SCNN1D: variants seen among roughly 807,000 people sequenced by gnomAD.
SCNN1D encodes epithelial sodium channel subunit delta.
Under a neutral mutation model 87.8 loss-of-function variants are expected in SCNN1D, and 104 were observed. The observed-to-expected ratio is 1.18, with a 90% CI of 1.01 to 1.39. The LOEUF is 1.39. Ranked by LOEUF, SCNN1D falls within the 40% of genes most tolerant of loss-of-function variation. The probability of loss-of-function intolerance (pLI) is 0.00; values close to 1 mark genes in which losing one functional copy is unlikely to be tolerated. For synonymous variants in SCNN1D, 628 were observed against 481.2 expected (o/e 1.31, Z -3.99); for missense variants, 1,324 against 1,093.9 (o/e 1.21, Z -2.97).
intron 4 of SCNN1D, among the ~76,000 whole-genome samples, chr1:1,283,247 C>T (rs1640506188): frequency 6.6e-6 from 1 of 152,158 alleles, no homozygotes; most frequent in South Asian, 2.1e-4. Flanking sequence ...TTGGTGTTCC[C>T]ACATTAGCAC....
rs1487419880 is a variant in SCNN1D, at chr1:1,286,221, T to C, written c.854T>C (p.Val285Ala). 6.3e-7 allele frequency: 1 copy of C among 1,598,540 alleles called. No individual in the cohort carries two copies. Among genetic ancestry groups the C allele is most frequent in the Non-Finnish European group, 8.5e-7 (1 of 1,177,516 alleles). Reference protein sequence around the residue: ...WHRPVLMAVSVHSERKLLPLV... With the variant: ...WHRPVLMAVSAHSERKLLPLV... ...CGCCCGGTCCTCATGGCCGTCTCTGTGCACTCGGAGCGCAAGCTGCTCCCG... is the reference window on the plus strand; with the variant it reads ...CGCCCGGTCCTCATGGCCGTCTCTGCGCACTCGGAGCGCAAGCTGCTCCCG... The change falls in exon 7 of 18, where the codon GTG (valine) becomes GCG (alanine). Residue 285 changes from valine (V) to alanine (A), a missense_variant. Coordinates refer to ENST00000379116, the MANE Select transcript of SCNN1D (RefSeq NM_001130413.4).
rs753065236 is a variant in SCNN1D at position 1,281,519 on chromosome 1, G to A, written c.186G>A (p.Gly62=). 1 of 1,535,446 alleles carries A rather than the reference G, an allele frequency of 6.5e-7. No homozygotes were observed. The highest frequency in any genetic ancestry group is 1.2e-5 in the South Asian group (1 of 84,018). Residue 62 remains glycine, a synonymous_variant, in exon 3 of 18, where the codon GGG becomes GGA. Transcript: ENST00000379116. ...TGPARGWPRR[G]GGPCGFTSAG... is the part of the protein sequence containing the mutation. ...CAGCGAGGGGATGGCCCAGAAGAGG[G>A]GGAGGACCATGTGGATTCACCAGTG...
chr1:1,288,170 C>T lies in SCNN1D; in HGVS notation c.1662+133C>T, dbSNP rs554627320. Reference sequence around the variant, plus strand: ...GAACGGGGCAGTCCCCGTGGAGGCCCGCACTCCATCCCCCGTGTCCCCGCT... The same window carrying T: ...GAACGGGGCAGTCCCCGTGGAGGCCTGCACTCCATCCCCCGTGTCCCCGCT... On this transcript the variant is annotated intron_variant, in intron 12 of 17. Transcript: ENST00000379116. 164 of 654,132 alleles carry T rather than the reference C, an allele frequency of 2.5e-4. 1 individual carries two copies. The highest frequency in any genetic ancestry group is 1.8e-3 in the African/African-American group (94 of 53,506). The allele number at this position is 654,132 out of a possible 1,614,324, so 40.5% of individuals were successfully genotyped here.
chr1:1,287,795 A>C lies in SCNN1D; in HGVS notation c.1522A>C (p.Ser508Arg). 6.3e-7 allele frequency: 1 copy of C among 1,585,796 alleles called. No individual in the cohort carries two copies. The highest frequency in any genetic ancestry group is 8.6e-7 in the Non-Finnish European group (1 of 1,166,486). Residue 508 changes from serine (S) to arginine (R), a missense_variant, in exon 11 of 18, where the codon AGC becomes CGC. Physicochemically the swap from Ser to Arg is moderately radical, Grantham distance 110. Transcript: ENST00000379116. ...GCCCTTCCTGGGGCACCACAGCTTCAGCGTCCGGCCAGGGACGGAGGCCAC... is the reference window on the plus strand; with the variant it reads ...GCCCTTCCTGGGGCACCACAGCTTCCGCGTCCGGCCAGGGACGGAGGCCAC... ...HTPFLGHHSF[S>R]VRPGTEATIS...
At chr1:1,284,326 G>C (rs1320622186) in intron 5 of SCNN1D, among the ~76,000 whole-genome samples, 1 of 122,070 alleles carries the variant, frequency 8.2e-6, no homozygotes, top group Admixed American at 8.0e-5. Flanking sequence ...AGGGGTGGGG[G>C]GGTGGGGCTG....
In SCNN1D at chr1:1,286,208, A is replaced by G. The variant is rs1640587272; in HGVS notation, c.841A>G (p.Met281Val). Reference sequence around the variant, plus strand: ...GCGTCACTGGCACCGCCCGGTCCTCATGGCCGTCTCTGTGCACTCGGAGCG... The same window carrying G: ...GCGTCACTGGCACCGCCCGGTCCTCGTGGCCGTCTCTGTGCACTCGGAGCG... ...FERHWHRPVL[M>V]AVSVHSERKL... The change falls in exon 7 of 18, where the codon ATG (methionine) becomes GTG (valine). Residue 281 changes from methionine (M) to valine (V), a missense_variant. By Grantham distance (21) the Met-to-Val change is conservative. Transcript: ENST00000379116. 1.2e-6 allele frequency: 2 copies of G among 1,600,554 alleles called. No individual in the cohort carries two copies. Among genetic ancestry groups the G allele is most frequent in the South Asian group, 1.1e-5 (1 of 89,972 alleles).
chr1:1,283,103 G>A (rs1181809433), intron 4 of SCNN1D, among the ~76,000 whole-genome samples: 4 of 152,182 alleles, frequency 2.6e-5, no homozygotes, highest in African/African-American at 7.2e-5. Flanking sequence ...TGGTGTGGGT[G>A]TGGACTGAAA....
chr1:1,287,999 G>T lies in SCNN1D; in HGVS notation c.1624G>T (p.Glu542Ter). The T allele has an allele frequency of 1.3e-6, 2 of 1,545,928 alleles. No individual in the cohort carries two copies. Among genetic ancestry groups the T allele is most frequent in the Non-Finnish European group, 1.7e-6 (2 of 1,145,346 alleles). ...CTGCACCGCCGGCGGGGAAGGCGTG[G>T]AGGTGGAGCTGCTACACAACACCTC... is the stretch of plus-strand genomic sequence containing the variant. ...GHCTAGGEGV[E>*]VELLHNTSYT... The change falls in exon 12 of 18, where the codon GAG becomes TAG. Residue 542 changes from glutamate (E) to a stop codon, truncating the protein, a stop_gained. Transcript: ENST00000379116. LOFTEE classifies it high-confidence loss of function.
rs1248924431 is a variant in SCNN1D at position 1,290,685 on chromosome 1, C to T, written c.1908C>T (p.Ala636=). 6.2e-7 allele frequency: 1 copy of T among 1,612,500 alleles called. No homozygotes were observed. Among genetic ancestry groups the T allele is most frequent in the African/African-American group, 1.3e-5 (1 of 74,926 alleles). The change falls in exon 15 of 18, where the codon GCC becomes GCT. Residue 636 remains alanine (A), a synonymous_variant. Coordinates refer to ENST00000379116, the MANE Select transcript of SCNN1D (RefSeq NM_001130413.4). ...CTGGGACCTCCAGGTGGCCTTCCGC[C>T]AAGTCAGCTGTGAGTCCCCAAAGTG... is the stretch of plus-strand genomic sequence containing the variant. ...LSTGTSRWPS[A]KSAGWTLATL... is the part of the protein sequence containing the mutation.
In SCNN1D at chr1:1,284,535, G is replaced by A. The variant is rs1247629653; in HGVS notation, c.464+445G>A. Among the ~76,000 whole-genome samples the A allele has an allele frequency of 2.0e-5, 3 of 149,002 alleles. No homozygotes were observed. In the East Asian group the frequency reaches 6.0e-4, roughly 30 times the overall value. On this transcript the variant is annotated intron_variant, in intron 5 of 17. Transcript: ENST00000379116. ...CTGGACCACTGGGGGTGCCGAGCGT[G>A]TGCTGGACCACGGGGGGTGCACAGC...
Position 1,280,624 on chromosome 1 carries a change from A to G in SCNN1D, c.-38A>G, listed in dbSNP as rs959429097. The G allele has an allele frequency of 2.3e-5, 16 of 699,348 alleles. No homozygotes were observed. Among genetic ancestry groups the G allele is most frequent in the Non-Finnish European group, 4.2e-5 (16 of 383,436 alleles). The allele number at this position is 699,348 out of a possible 1,614,324, so 43.3% of individuals were successfully genotyped here. A position where few individuals can be genotyped will look rare whatever the true frequency, so the allele number is the denominator to read the frequency against. ...CTCATCAGACTCAAGGCCTGAGGTG[A>G]TGCTGATGCTGTGCCTGAATTCCAG... On this transcript the variant is annotated 5_prime_UTR_variant, in exon 1 of 18. An upstream start codon of the reference 5' UTR is lost. Coordinates refer to ENST00000379116, the MANE Select transcript of SCNN1D (RefSeq NM_001130413.4).
Position 1,288,048 on chromosome 1 carries a change from G to A in SCNN1D, c.1662+11G>A. On this transcript the variant is annotated intron_variant, in intron 12 of 17. Coordinates refer to ENST00000379116, the MANE Select transcript of SCNN1D (RefSeq NM_001130413.4). ...TCCTACACCAGGCAGGTGAGGCTGG[G>A]CTGGCAGGGGGTGCGGGGGCAGGTG... The A allele has an allele frequency of 6.6e-7, 1 of 1,524,934 alleles. No homozygotes were observed. Among genetic ancestry groups the A allele is most frequent in the Non-Finnish European group, 8.8e-7 (1 of 1,132,284 alleles). 94.5% of individuals were successfully genotyped at this position (1,524,934 alleles called of 1,614,324 possible).
At chr1:1,287,442 C>CA in intron 9 of SCNN1D, 66 bp from the exon 10 acceptor site, 3 of 1,491,928 alleles carry the variant, frequency 2.0e-6, no homozygotes, top group Non-Finnish European at 2.7e-6. Flanking sequence ...GGCCATGGCC[C>CA]CTCAGGCCAG....
At chr1:1,288,192 C>CTGTGTCTCTGCCCCGTCCCGTGTCTCT (rs1640651211) in intron 12 of SCNN1D, among the ~76,000 whole-genome samples, 155 bp downstream of exon 12, 2 of 146,668 alleles carry the variant, frequency 1.4e-5, no homozygotes, top group African/African-American at 5.3e-5. Flanking sequence ...CCCGTGTCCC[C>CTGTGTCTCTGCCCCGTCCCGTGTCTCT]GCTCCATTCC....
At position 1,286,023 on chromosome 1, in the gene SCNN1D, C is replaced by T. The variant is rs752340438; in HGVS notation, c.656C>T (p.Ser219Leu). The T allele has an allele frequency of 4.5e-6, 7 of 1,566,880 alleles. No individual in the cohort carries two copies. Among genetic ancestry groups the T allele is most frequent in the Non-Finnish European group, 5.2e-6 (6 of 1,155,772 alleles). Residue 219 changes from serine (S) to leucine (L), a missense_variant, in exon 7 of 18, where the codon TCG becomes TTG. Transcript: ENST00000379116. ...GAGGGGCTGGTGGAGCTGCCCGCCT[C>T]GTTCCGGGAGCTGCTCACCTTCTTC... ...HQEGLVELPASFRELLTFFCT... is the reference protein window; with the variant it reads ...HQEGLVELPALFRELLTFFCT...
At chr1:1,283,759 C>T (rs776237878) in intron 4 of SCNN1D, among the ~76,000 whole-genome samples, 12 of 151,990 alleles carry the variant, frequency 7.9e-5, no homozygotes, top group Non-Finnish European at 1.6e-4. Context: ...ACTGTCCTCC[C>T]CCTCCCTCCA....
At chr1:1,282,644 AG>A (rs1640494568) in intron 4 of SCNN1D, among the ~76,000 whole-genome samples, 1 of 151,608 alleles carries the variant, frequency 6.6e-6, no homozygotes, top group African/African-American at 2.4e-5. Flanking sequence ...AGCATGTGTG[AG>A]GTCTTAGCGT....
intron 4 of SCNN1D, among the ~76,000 whole-genome samples, chr1:1,283,141 T>C (rs1640503944): frequency 6.6e-6 from 1 of 152,244 alleles, no homozygotes; most frequent in South Asian, 2.1e-4. Flanking sequence ...GTCATCTTAG[T>C]GTGTGGTGTG....
rs1467326479 is a variant in SCNN1D at position 1,287,967 on chromosome 1, A to G, written c.1592A>G (p.Tyr531Cys). 4.5e-6 allele frequency: 7 copies of G among 1,546,850 alleles called. No individual in the cohort carries two copies. The highest frequency in any genetic ancestry group is 6.1e-6 in the Non-Finnish European group (7 of 1,145,026). The change falls in exon 12 of 18, where the codon TAC becomes TGC. Residue 531 changes from tyrosine to cysteine, a missense_variant. By Grantham distance (194) the Tyr-to-Cys change is radical. Transcript: ENST00000379116. Reference sequence around the variant, plus strand: ...GAGGTGCACCGGCTCGGGAGCCCCTACGGCCACTGCACCGCCGGCGGGGAA... The same window carrying G: ...GAGGTGCACCGGCTCGGGAGCCCCTGCGGCCACTGCACCGCCGGCGGGGAA... ...EDEVHRLGSP[Y>C]GHCTAGGEGV...
Sources: allele counts gnomAD v4.1 joint callset (sites outside exome capture counted in the v4.1 genomes callset), GRCh38; gene constraint gnomAD v4.1.1; transcripts MANE v1.5; gene names NCBI Gene and HGNC (gene_info 2026-07-23, HGNC 2026-07-21).